Variants in ASIC2 observed in about 807,000 individuals in gnomAD.
The protein encoded by ASIC2 is acid sensing ion channel subunit 2.
A neutral mutation model predicts 57.3 loss-of-function variants in ASIC2; 25 were observed. The ratio of observed to expected loss-of-function variants is 0.44; its 90% CI spans 0.32 to 0.61. ASIC2 has a LOEUF of 0.61. ASIC2 is among the 20% of genes least tolerant of loss of function. The pLI, the probability that ASIC2 is intolerant of heterozygous loss-of-function variation, is 0.06. For missense variants in ASIC2, 641 were observed against 738.1 expected, an observed-to-expected ratio of 0.87 and a Z score of 1.52; for synonymous variants, 319 against 307.5, an observed-to-expected ratio of 1.04 and a Z score of -0.39.
chr17:33,019,936 G>A (rs1567718355), intron 7 of ASIC2, among the ~76,000 whole-genome samples: 1 of 152,084 alleles, frequency 6.6e-6, no homozygotes, highest in Non-Finnish European at 1.5e-5. Context: ...GGTAGGAAGA[G>A]GCCTGTCCTG....
intron 1 of ASIC2, among the ~76,000 whole-genome samples, chr17:33,870,011 T>C (rs1397493404): frequency 2.0e-5 from 3 of 152,150 alleles, no homozygotes; most frequent in Non-Finnish European, 4.4e-5. Context: ...ATGTCAGGTA[T>C]AGTACTAGAC....
At chr17:33,060,306 A>T (rs1192796371) in intron 3 of ASIC2, among the ~76,000 whole-genome samples, 1 of 152,298 alleles carries the variant, frequency 6.6e-6, no homozygotes, top group East Asian at 1.9e-4. Flanking sequence ...TCTAACATTT[A>T]AGTCTTTAAT....
At chr17:33,835,178 C>A (rs1054731206) in intron 1 of ASIC2, among the ~76,000 whole-genome samples, 1 of 152,102 alleles carries the variant, frequency 6.6e-6, no homozygotes, top group Non-Finnish European at 1.5e-5. Flanking sequence ...GGCTCTGGGG[C>A]CAGACTCTTT....
At chr17:33,053,389 C>T (rs1000623062) in intron 3 of ASIC2, among the ~76,000 whole-genome samples, 1 of 152,100 alleles carries the variant, frequency 6.6e-6, no homozygotes, top group African/African-American at 2.4e-5. Flanking sequence ...AAAAATTATT[C>T]TTTTTGGGAG....
intron 1 of ASIC2, among the ~76,000 whole-genome samples, chr17:33,645,012 A>G (rs1427573669): frequency 6.6e-6 from 1 of 152,208 alleles, no homozygotes; most frequent in African/African-American, 2.4e-5. Context: ...GTTTTTCATG[A>G]TTAGCCACGT....
At chr17:33,869,251 C>A in intron 1 of ASIC2, among the ~76,000 whole-genome samples, 1 of 152,058 alleles carries the variant, frequency 6.6e-6, no homozygotes, top group East Asian at 1.9e-4. Flanking sequence ...TAAAAAAAAA[C>A]AAAGAATATT....
intron 1 of ASIC2, among the ~76,000 whole-genome samples, chr17:33,809,073 A>C (rs1033977148): frequency 2.0e-5 from 3 of 152,184 alleles, no homozygotes; most frequent in African/African-American, 7.2e-5. Context: ...CAGTGGGTTC[A>C]TGGCAGCCAA....
chr17:34,113,540 C>T (rs945454804), intron 1 of ASIC2, among the ~76,000 whole-genome samples: 5 of 146,370 alleles, frequency 3.4e-5, no homozygotes, highest in African/African-American at 1.3e-4. Context: ...CAGCCTATGG[C>T]AACAGAACAA....
chr17:33,625,209 ATCTATCTATCTATCTG>A (rs924215126), intron 1 of ASIC2, among the ~76,000 whole-genome samples: 5 of 151,846 alleles, frequency 3.3e-5, no homozygotes, highest in African/African-American at 1.2e-4. Flanking sequence ...TCATCTATCT[ATCTATCTATCTATCTG>A]TCTATCTATC....
rs569555873 is a variant in ASIC2, at chr17:33,618,143, C to T, written c.556-506076G>A. 2.4e-4 allele frequency among the ~76,000 whole-genome samples: 36 copies of T among 152,064 alleles called. 1 individual carries two copies. In the East Asian group the frequency reaches 2.5e-3, roughly 11 times the overall value. On this transcript the variant is annotated intron_variant, in intron 1 of 9. Coordinates refer to the ASIC2 transcript ENST00000359872. ...CATCCCCAGGAATTCAAGCCACTGT[C>T]GAATCCATATTCTGCTTGTATGACA...
chr17:33,407,783 A>T (rs1210754331), intron 1 of ASIC2, among the ~76,000 whole-genome samples: 1 of 152,246 alleles, frequency 6.6e-6, no homozygotes, highest in African/African-American at 2.4e-5. Context: ...AGCAAGCCCA[A>T]GGAATTCTGG....
chr17:33,273,185 T>G (rs1044229657), intron 1 of ASIC2, among the ~76,000 whole-genome samples: 47 of 152,090 alleles, frequency 3.1e-4, no homozygotes, highest in Admixed American at 1.3e-4. Context: ...CTTTTTTTGG[T>G]TGGTTAAAGA....
intron 1 of ASIC2, among the ~76,000 whole-genome samples, chr17:33,571,798 G>C (rs1456454717): frequency 1.3e-5 from 2 of 152,180 alleles, no homozygotes; most frequent in African/African-American, 4.8e-5. Context: ...GTTCATCTCG[G>C]CCATTTGCAT....
At chr17:34,078,425 G>T (rs2142075911) in intron 1 of ASIC2, among the ~76,000 whole-genome samples, 1 of 152,274 alleles carries the variant, frequency 6.6e-6, no homozygotes, top group South Asian at 2.1e-4. Flanking sequence ...ACGATGGATT[G>T]CTGTGTAGAC....
chr17:33,047,144 C>T (rs992905558), intron 3 of ASIC2, among the ~76,000 whole-genome samples: 25 of 152,224 alleles, frequency 1.6e-4, no homozygotes, highest in Non-Finnish European at 3.4e-4. Context: ...TGGATGCTTA[C>T]AGGCATAAAA....
chr17:33,849,452 G>T lies in ASIC2; in HGVS notation c.555+306526C>A, dbSNP rs771577766. On this transcript the variant is annotated intron_variant, in intron 1 of 9. Transcript: ENST00000359872. Reference sequence around the variant, plus strand: ...TGTGTAACCTACTCAAGGTCCCATGGTTAGTAAGTGACTAAACCAGGATCC... The same window carrying T: ...TGTGTAACCTACTCAAGGTCCCATGTTTAGTAAGTGACTAAACCAGGATCC... Among the ~76,000 whole-genome samples, 7 of 152,156 alleles carry T rather than the reference G, an allele frequency of 4.6e-5. No homozygotes were observed. The East Asian group carries it at 1.2e-3, about 25-fold the overall frequency.
chr17:33,041,876 TA>T (rs1281683526), intron 3 of ASIC2, among the ~76,000 whole-genome samples: 1 of 152,204 alleles, frequency 6.6e-6, no homozygotes, highest in African/African-American at 2.4e-5. Context: ...TAAGGGGCAC[TA>T]TACTCCGAGA....
intron 1 of ASIC2, among the ~76,000 whole-genome samples, chr17:34,024,166 T>C (rs1367818844): frequency 6.6e-6 from 1 of 152,214 alleles, no homozygotes; most frequent in Non-Finnish European, 1.5e-5. Flanking sequence ...GCCACAAGTA[T>C]AGACATCCAG....
rs1910398728 is a variant in ASIC2, at chr17:33,404,522, G to A, written c.556-292455C>T. 3.3e-5 allele frequency among the ~76,000 whole-genome samples: 5 copies of A among 152,234 alleles called. No homozygotes were observed. The South Asian group carries it at 1.0e-3, about 32-fold the overall frequency. On this transcript the variant is annotated intron_variant, in intron 1 of 9. Transcript: ENST00000359872. ...AGGCTGTCTACTTCTGGACAGAGGA[G>A]CAACATCTGAAGCAGATGGCTCAAC... is the stretch of plus-strand genomic sequence containing the variant.
Sources: gnomAD v4.1 joint callset for allele counts (sites outside exome capture counted in the v4.1 genomes callset) on GRCh38, gnomAD v4.1.1 for gene constraint, MANE v1.5 for transcripts, NCBI Gene and HGNC (gene_info 2026-07-23, HGNC 2026-07-21) for gene names.